SLC12A7: variants seen among roughly 807,000 people sequenced by gnomAD.
SLC12A7 encodes the protein solute carrier family 12 member 7.
A neutral mutation model predicts 120.6 loss-of-function variants in SLC12A7; 100 were observed. The observed-to-expected ratio is 0.83, with a 90% CI of 0.71 to 0.98. The LOEUF is 0.98. Among genes scored for constraint, SLC12A7 ranks in the 50% least tolerant of loss-of-function variants. SLC12A7 has a pLI of 0.00. For missense variants in SLC12A7, 1,373 were observed against 1,548.1 expected, an observed-to-expected ratio of 0.89 and a Z score of 1.90; for synonymous variants, 760 against 678.0, an observed-to-expected ratio of 1.12 and a Z score of -1.88.
chr5:1,068,040 T>C (rs1470797943), intron 17 of SLC12A7, among the ~76,000 whole-genome samples: 1 of 152,172 alleles, frequency 6.6e-6, no homozygotes, highest in Non-Finnish European at 1.5e-5. Context: ...TTTATGCCAA[T>C]CAGTGCCACA....
intron 22 of SLC12A7, chr5:1,056,525 C>G: frequency 1.1e-6 from 1 of 920,478 alleles, no homozygotes; most frequent in South Asian, 5.0e-5. Context: ...CACACACACA[C>G]AGGCATGCAG....
chr5:1,081,877 G>C (rs1236324577), intron 8 of SLC12A7, 133 bp from the exon 9 acceptor site: 1 of 1,038,136 alleles, frequency 9.6e-7, no homozygotes, highest in African/African-American at 1.6e-5. Flanking sequence ...CCGCAAGCAG[G>C]CTCCAATTCA....
At chr5:1,058,389 A>G (rs943414231) in intron 21 of SLC12A7, among the ~76,000 whole-genome samples, 2 of 152,194 alleles carry the variant, frequency 1.3e-5, no homozygotes, top group Non-Finnish European at 2.9e-5. Flanking sequence ...AGGTAGGCCA[A>G]TGGGAGCTCC....
the SLC12A7 span, among the ~76,000 whole-genome samples, chr5:1,155,503 C>A: frequency 2.0e-5 from 3 of 151,858 alleles, no homozygotes; most frequent in African/African-American, 7.2e-5. Context: ...GGGAACTGCC[C>A]CAGGTCCCCG....
At chr5:1,052,530 T>C in intron 23 of SLC12A7, 79 bp from the exon 24 acceptor site, 1 of 1,198,110 alleles carries the variant, frequency 8.3e-7, no homozygotes, top group Non-Finnish European at 1.2e-6. Context: ...GTGAGGTTTA[T>C]CCTCTCCTGG....
upstream of SLC12A7, among the ~76,000 whole-genome samples, chr5:1,112,264 C>G (rs1743084088): frequency 1.3e-5 from 2 of 151,374 alleles, no homozygotes; most frequent in Admixed American, 6.6e-5. Context: ...GCAGAGCCCG[C>G]GAATCCCCGC....
At chr5:1,099,024 G>A (rs1338561939) in intron 1 of SLC12A7, among the ~76,000 whole-genome samples, 2 of 152,056 alleles carry the variant, frequency 1.3e-5, no homozygotes, top group African/African-American at 4.8e-5. Flanking sequence ...CTGGGCGTGC[G>A]GTGCAGGAAG....
chr5:1,074,427 A>G (rs939796526), intron 16 of SLC12A7, 140 bp downstream of exon 16: 12 of 717,134 alleles, frequency 1.7e-5, no homozygotes, highest in Admixed American at 1.4e-4. Flanking sequence ...GCTCTGCACC[A>G]GGCAGTGTTC....
chr5:1,135,016 A>T, the SLC12A7 span, among the ~76,000 whole-genome samples: 4 of 131,240 alleles, frequency 3.0e-5, no homozygotes, highest in Admixed American at 3.2e-4. Context: ...AATCCCAGCT[A>T]CTCGGGAGGC....
chr5:1,109,392 T>C (rs532638091), intron 1 of SLC12A7, among the ~76,000 whole-genome samples: 79 of 152,050 alleles, frequency 5.2e-4, no homozygotes, highest in African/African-American at 1.8e-3. Flanking sequence ...CCTCCTACTC[T>C]CAAAAAACCA....
At chr5:1,136,937 A>G in the SLC12A7 span, among the ~76,000 whole-genome samples, 1 of 129,870 alleles carries the variant, frequency 7.7e-6, no homozygotes. Context: ...GGACACACAG[A>G]CGTGCACACA....
chr5:1,056,497 G>A (rs762597097), intron 22 of SLC12A7: 39 of 682,968 alleles, frequency 5.7e-5, no homozygotes, highest in Middle Eastern at 7.4e-4. Context: ...TAGAACACGC[G>A]CACAGACACA....
the SLC12A7 span, among the ~76,000 whole-genome samples, chr5:1,148,427 T>C: frequency 2.0e-5 from 3 of 152,110 alleles, no homozygotes; most frequent in African/African-American, 7.2e-5. Context: ...GGATGGTCTC[T>C]ATCTCCTGAC....
chr5:1,106,415 T>G (rs1355642088), intron 1 of SLC12A7, among the ~76,000 whole-genome samples: 1 of 131,408 alleles, frequency 7.6e-6, no homozygotes, highest in Non-Finnish European at 1.5e-5. Flanking sequence ...TCTGTGCCAC[T>G]GCACTCCAGC....
At chr5:1,143,234 C>G in the SLC12A7 span, among the ~76,000 whole-genome samples, 1 of 152,234 alleles carries the variant, frequency 6.6e-6, no homozygotes, top group Non-Finnish European at 1.5e-5. Context: ...CCAGTCCTGT[C>G]GGATAAGGGG....
At chr5:1,061,437 CCGCACCCGCCG>C (rs1736250702) in intron 20 of SLC12A7, among the ~76,000 whole-genome samples, 1 of 68,876 alleles carries the variant, frequency 1.5e-5, no homozygotes, top group Non-Finnish European at 3.4e-5. Flanking sequence ...GTCTCACCCA[CCGCACCCGCCG>C]TGCGGGATCC....
intron 13 of SLC12A7, 109 bp downstream of exon 13, chr5:1,076,585 G>T: frequency 1.3e-6 from 1 of 796,290 alleles, no homozygotes; most frequent in Non-Finnish European, 2.0e-6. Flanking sequence ...ACTGCCCACA[G>T]CTGGCCATGC....
At chr5:1,109,340 A>C (rs895554501) in intron 1 of SLC12A7, among the ~76,000 whole-genome samples, 2 of 152,148 alleles carry the variant, frequency 1.3e-5, no homozygotes, top group Non-Finnish European at 2.9e-5. Context: ...CTCTACCCTG[A>C]AGTCGGACGA....
chr5:1,131,714 C>T, the SLC12A7 span, among the ~76,000 whole-genome samples: 119 of 152,240 alleles, frequency 7.8e-4, no homozygotes, highest in Non-Finnish European at 1.5e-3. Flanking sequence ...AGAGCCTTGC[C>T]TAGCCATGGC....
Sources: allele counts gnomAD v4.1 joint callset (sites outside exome capture counted in the v4.1 genomes callset), GRCh38; gene constraint gnomAD v4.1.1; transcripts MANE v1.5; gene names NCBI Gene and HGNC (gene_info 2026-07-23, HGNC 2026-07-21).